PLEKHA1: variants seen among roughly 807,000 people sequenced by gnomAD.
PLEKHA1 encodes pleckstrin homology domain-containing family A member 1.
A neutral mutation model predicts 52.0 loss-of-function variants in PLEKHA1; 34 were observed. That is an observed-to-expected ratio of 0.65 (90% CI 0.50 to 0.87). The LOEUF is 0.87. Among genes scored for constraint, PLEKHA1 ranks in the 40% least tolerant of loss-of-function variants. The probability of loss-of-function intolerance (pLI) is 0.00; values close to 1 mark genes in which losing one functional copy is unlikely to be tolerated. For synonymous variants in PLEKHA1, 163 were observed against 170.7 expected (o/e 0.95, Z 0.35); for missense variants, 497 against 504.2 (o/e 0.99, Z 0.14).
intron 11 of PLEKHA1, chr10:122,428,529 AAAAT>A: frequency 1.0e-6 from 1 of 1,000,052 alleles, no homozygotes; most frequent in Non-Finnish European, 1.3e-6. Context: ...TTAAAAATAA[AAAAT>A]AAAACATACA....
rs2096811201 is a variant in PLEKHA1, at chr10:122,393,982, A to G, written c.141+641A>G. ...CTTGCAAAACACAGGGGTAAATGCT[A>G]CAATTTAAAAAATTGGAATCCCAGC... On this transcript the variant is annotated intron_variant, in intron 2 of 11. Transcript: ENST00000368990. This position sits in a 1 kb window ranked among gnomAD's most constrained non-coding sequence, Gnocchi z 4.5. Among the ~76,000 whole-genome samples, 2 of 152,110 alleles carry G rather than the reference A, an allele frequency of 1.3e-5. No individual in the cohort carries two copies. The highest frequency in any genetic ancestry group is 2.9e-5 in the Non-Finnish European group (2 of 68,022).
intron 11 of PLEKHA1, among the ~76,000 whole-genome samples, chr10:122,427,309 G>C (rs951905555): frequency 7.2e-5 from 11 of 152,192 alleles, no homozygotes; most frequent in African/African-American, 2.7e-4. Context: ...GTTCTTACTT[G>C]TCAGTAGCTC....
chr10:122,396,480 G>A (rs977884005), intron 2 of PLEKHA1, among the ~76,000 whole-genome samples: 13 of 152,046 alleles, frequency 8.6e-5, no homozygotes, highest in Admixed American at 8.5e-4. Context: ...AAGCTTGTAC[G>A]TAGTATATAG....
At chr10:122,425,156 T>C (rs2133550675) in intron 10 of PLEKHA1, 197 bp downstream of exon 10, 1 of 393,584 alleles carries the variant, frequency 2.5e-6, no homozygotes, top group Admixed American at 4.4e-5. Context: ...GTATTTGTTA[T>C]GAATTAGTGA....
chr10:122,415,559 T>C (rs1178557676), intron 6 of PLEKHA1, among the ~76,000 whole-genome samples: 1 of 152,234 alleles, frequency 6.6e-6, no homozygotes, highest in South Asian at 2.1e-4. Context: ...TAGGACCTGT[T>C]GTACTTTTTT....
intron 1 of PLEKHA1, among the ~76,000 whole-genome samples, chr10:122,383,317 T>TC (rs978152748): frequency 1.5e-5 from 2 of 136,868 alleles, no homozygotes; most frequent in Non-Finnish European, 3.4e-5. Context: ...CTTTCTGTTT[T>TC]TTTTTTTTCT....
At chr10:122,408,179 G>A (rs1419447722) in intron 5 of PLEKHA1, among the ~76,000 whole-genome samples, 4 of 152,028 alleles carry the variant, frequency 2.6e-5, no homozygotes, top group East Asian at 1.9e-4. Flanking sequence ...ATAATATCTC[G>A]TAACTGTACT....
chr10:122,417,645 CAAAAA>C (rs373627172), intron 7 of PLEKHA1, among the ~76,000 whole-genome samples: 1 of 94,264 alleles, frequency 1.1e-5, no homozygotes. Context: ...GACTCTGTCT[CAAAAA>C]AAAAAAAAAA....
intron 1 of PLEKHA1, among the ~76,000 whole-genome samples, chr10:122,390,141 A>G (rs1031868386): frequency 4.6e-5 from 7 of 152,216 alleles, no homozygotes; most frequent in Admixed American, 4.6e-4. Flanking sequence ...TCATGAACCA[A>G]CAACCTCTGC....
chr10:122,420,755 G>A (rs2097249302), intron 8 of PLEKHA1: 1 of 152,144 alleles, frequency 6.6e-6, no homozygotes, highest in African/African-American at 2.4e-5. Context: ...TATTAGGTGA[G>A]GCAAAGCAAC....
At chr10:122,434,876 TG>T (rs1367199451), downstream of PLEKHA1, 1 of 151,504 alleles carries the variant, frequency 6.6e-6, no homozygotes, top group African/African-American at 2.4e-5. Flanking sequence ...ATTTCATCCA[TG>T]TCCCTACAAA....
intron 8 of PLEKHA1, chr10:122,418,182 C>T: frequency 2.4e-6 from 1 of 412,944 alleles, no homozygotes; most frequent in Non-Finnish European, 4.3e-6. Flanking sequence ...AGCAGCATTC[C>T]ACCTTGAAAG....
chr10:122,429,712 G>C lies in PLEKHA1; in HGVS notation c.989G>C (p.Ser330Thr). ...ACCTCACATTCCACAGCCTCTCGCA[G>C]CAACTCTTTGGTCTCAACCTTTACC... The part of the protein sequence containing the change: ...TATSHSTASR[S>T]NSLVSTFTME... The change falls in exon 12 of 12, where the codon AGC (serine) becomes ACC (threonine). Residue 330 changes from serine (S) to threonine (T), a missense_variant. Coordinates refer to ENST00000368990, the MANE Select transcript of PLEKHA1 (RefSeq NM_001001974.4). 2 of 1,614,086 alleles carry C rather than the reference G, an allele frequency of 1.2e-6. No homozygotes were observed. Among genetic ancestry groups the C allele is most frequent in the Non-Finnish European group, 1.7e-6 (2 of 1,180,022 alleles).
intron 4 of PLEKHA1, 146 bp from the exon 5 acceptor site, chr10:122,406,430 A>G: frequency 4.5e-6 from 3 of 665,018 alleles, no homozygotes; most frequent in African/African-American, 3.7e-5. Context: ...TTGTGTGATA[A>G]AAGCTGTATT....
chr10:122,417,645 CA>C (rs373627172), intron 7 of PLEKHA1, among the ~76,000 whole-genome samples: 17,061 of 94,066 alleles, frequency 0.18, 897 homozygotes, highest in South Asian at 0.29. Context: ...GACTCTGTCT[CA>C]AAAAAAAAAA....
intron 1 of PLEKHA1, among the ~76,000 whole-genome samples, chr10:122,384,053 T>A (rs764266399): frequency 2.5e-4 from 38 of 152,308 alleles, no homozygotes; most frequent in Non-Finnish European, 2.8e-4. Flanking sequence ...TACATCTCGG[T>A]ATGGTTTTTT....
At chr10:122,417,803 A>G in intron 7 of PLEKHA1, 97 bp from the exon 8 acceptor site, 1 of 836,176 alleles carries the variant, frequency 1.2e-6, no homozygotes, top group Non-Finnish European at 2.0e-6. Context: ...ACTGCTTGGC[A>G]TGTCTGATTG....
intron 3 of PLEKHA1, among the ~76,000 whole-genome samples, chr10:122,399,142 C>T (rs933590611): frequency 2.0e-4 from 31 of 152,016 alleles, no homozygotes; most frequent in African/African-American, 7.2e-4. Context: ...CTACTTTGGA[C>T]GTACCACTTT....
At chr10:122,409,477 G>T (rs2134590897) in intron 5 of PLEKHA1, among the ~76,000 whole-genome samples, 1 of 152,254 alleles carries the variant, frequency 6.6e-6, no homozygotes, top group South Asian at 2.1e-4. Flanking sequence ...CATAAATATG[G>T]TGGTTTCTGT....
Sources: allele counts gnomAD v4.1 joint callset (sites outside exome capture counted in the v4.1 genomes callset), GRCh38; gene constraint gnomAD v4.1.1; non-coding constraint Gnocchi (gnomAD v3.1); transcripts MANE v1.5; gene names NCBI Gene and HGNC (gene_info 2026-07-23, HGNC 2026-07-21).